ATP9A: variants seen among roughly 807,000 people sequenced by gnomAD.
The protein encoded by ATP9A is ATPase phospholipid transporting 9A, also known as probable phospholipid-transporting ATPase IIA.
In ATP9A, 52 loss-of-function variants were observed where a neutral mutation model predicts 144.1. The observed-to-expected ratio is 0.36, with a 90% CI of 0.29 to 0.45. The LOEUF (loss-of-function observed/expected upper bound fraction) is 0.45. Ranked by LOEUF, ATP9A falls within the 20% of genes least tolerant of loss-of-function variation. The pLI is 1.00. For missense variants in ATP9A, 947 were observed against 1,392.7 expected (o/e 0.68, Z 5.09); for synonymous variants, 582 against 557.4 (o/e 1.04, Z -0.62).
chr20:51,756,501 G>T (rs1354589312), intron 1 of ATP9A, among the ~76,000 whole-genome samples: 1 of 152,026 alleles, frequency 6.6e-6, no homozygotes, highest in Non-Finnish European at 1.5e-5. Flanking sequence ...ATGTTGGCCA[G>T]GCTGGTTTTG....
chr20:51,709,679 G>A (rs2426383), intron 4 of ATP9A, among the ~76,000 whole-genome samples: 97,836 of 151,994 alleles, frequency 0.64, 31,689 homozygotes, highest in Non-Finnish European at 0.68. Context: ...GTGAGTCCAG[G>A]TCCCACCACT....
chr20:51,664,643 C>T (rs1447979515), intron 13 of ATP9A, among the ~76,000 whole-genome samples: 1 of 152,030 alleles, frequency 6.6e-6, no homozygotes, highest in Non-Finnish European at 1.5e-5. Context: ...TAGCATTTCT[C>T]ACACAATTAG....
intron 4 of ATP9A, among the ~76,000 whole-genome samples, chr20:51,702,170 G>A (rs2077596067): frequency 6.6e-6 from 1 of 151,658 alleles, no homozygotes; most frequent in Non-Finnish European, 1.5e-5. Context: ...GTGGTGGCAG[G>A]CGCCTGTAAT....
chr20:51,711,103 A>C (rs1601119972), intron 4 of ATP9A, among the ~76,000 whole-genome samples: 1 of 152,152 alleles, frequency 6.6e-6, no homozygotes, highest in South Asian at 2.1e-4. Context: ...AGCCCAAGCC[A>C]CCTGCCTCTG....
Position 51,629,041 on chromosome 20 carries a change from A to G in ATP9A, c.1700T>C (p.Met567Thr). 2 of 1,614,078 alleles carry G rather than the reference A, an allele frequency of 1.2e-6. No individual in the cohort carries two copies. Among genetic ancestry groups the G allele is most frequent in the Non-Finnish European group, 8.5e-7 (1 of 1,179,930 alleles). ...AGCCATGACCACATCTGCTCCCTTC[A>G]TGTAAAACGTAATTTCTCCAGTTGA... is the stretch of plus-strand genomic sequence containing the variant. ...DESTGEITFY[M>T]KGADVVMAGI... The change falls in exon 16 of 28, where the codon ATG becomes ACG. Residue 567 changes from methionine (M) to threonine (T), a missense_variant. By Grantham distance (81) the Met-to-Thr change is moderately conservative. Coordinates refer to ENST00000338821, the MANE Select transcript of ATP9A (RefSeq NM_006045.3).
chr20:51,649,352 G>T (rs2426342), intron 14 of ATP9A, among the ~76,000 whole-genome samples: 113,837 of 152,080 alleles, frequency 0.75, 43,260 homozygotes, highest in Middle Eastern at 0.83. Context: ...GGTTTTAATC[G>T]TGCCAGCTAT....
intron 6 of ATP9A, 68 bp from the exon 7 acceptor site, chr20:51,694,170 G>T: frequency 7.8e-7 from 1 of 1,276,434 alleles, no homozygotes; most frequent in Non-Finnish European, 1.1e-6. Context: ...TCTGGGCAGC[G>T]TCTGCTCTGG....
intron 15 of ATP9A, among the ~76,000 whole-genome samples, chr20:51,638,879 C>A (rs2077306694): frequency 1.3e-5 from 2 of 151,988 alleles, no homozygotes; most frequent in African/African-American, 4.8e-5. Flanking sequence ...TTCAGACTGG[C>A]AAAATTTTTT....
rs888440693 is a variant in ATP9A at position 51,730,290 on chromosome 20, A to T, written c.69-312T>A. ...GAGACCATCCTGGCTGACATGGTGAAATCTCGTCTGTACTAAAAAATACAA... is the reference window on the plus strand; with the variant it reads ...GAGACCATCCTGGCTGACATGGTGATATCTCGTCTGTACTAAAAAATACAA... On this transcript the variant is annotated intron_variant, in intron 1 of 27. Transcript: ENST00000338821. Among the ~76,000 whole-genome samples, 8 of 152,198 alleles carry T rather than the reference A, an allele frequency of 5.3e-5. No individual in the cohort carries two copies. In the East Asian group the frequency reaches 1.6e-3, roughly 30 times the overall value.
intron 1 of ATP9A, among the ~76,000 whole-genome samples, chr20:51,733,740 C>T (rs1413149363): frequency 6.6e-6 from 1 of 151,256 alleles, no homozygotes; most frequent in Non-Finnish European, 1.5e-5. Flanking sequence ...GTGGTACAAT[C>T]ACAGCTCACT....
At chr20:51,718,219 C>T (rs1035533025) in intron 3 of ATP9A, among the ~76,000 whole-genome samples, 9 of 152,088 alleles carry the variant, frequency 5.9e-5, no homozygotes, top group African/African-American at 2.2e-4. Context: ...AAACATGCAT[C>T]TGCAGAATAT....
intron 9 of ATP9A, among the ~76,000 whole-genome samples, chr20:51,678,426 A>G (rs2077486380): frequency 6.6e-6 from 1 of 152,190 alleles, no homozygotes; most frequent in South Asian, 2.1e-4. Flanking sequence ...TCCTGGACAA[A>G]GAGCCCTAGG....
At chr20:51,711,344 A>G (rs2077637599) in intron 4 of ATP9A, among the ~76,000 whole-genome samples, 1 of 151,990 alleles carries the variant, frequency 6.6e-6, no homozygotes, top group South Asian at 2.1e-4. Context: ...CAAAACATAC[A>G]CCTTTGACAT....
intron 9 of ATP9A, among the ~76,000 whole-genome samples, chr20:51,686,109 C>T (rs565128577): frequency 6.6e-6 from 1 of 152,166 alleles, no homozygotes; most frequent in South Asian, 2.1e-4. Context: ...AGCAAACTAT[C>T]GCAAGGACGG....
chr20:51,752,702 G>C (rs1011372867), intron 1 of ATP9A, among the ~76,000 whole-genome samples: 2 of 152,162 alleles, frequency 1.3e-5, no homozygotes, highest in Admixed American at 6.6e-5. Context: ...TTGTTGGTCA[G>C]GCTTATCCGA....
chr20:51,670,427 C>G (rs2077451138), intron 12 of ATP9A, among the ~76,000 whole-genome samples: 2 of 152,222 alleles, frequency 1.3e-5, no homozygotes, highest in Non-Finnish European at 2.9e-5. Flanking sequence ...CTAGAGCAAT[C>G]AGATTCTATC....
intron 2 of ATP9A, among the ~76,000 whole-genome samples, chr20:51,728,987 T>C (rs915704466): frequency 6.6e-6 from 1 of 152,216 alleles, no homozygotes; most frequent in African/African-American, 2.4e-5. Flanking sequence ...GCTGAGTACA[T>C]GTCCACAGAT....
chr20:51,742,600 C>T (rs1468479893), intron 1 of ATP9A, among the ~76,000 whole-genome samples: 3 of 152,018 alleles, frequency 2.0e-5, no homozygotes, highest in East Asian at 1.9e-4. Context: ...CTGCAACCTC[C>T]GCCTCCTGGG....
chr20:51,676,232 A>G (rs1367437379), intron 9 of ATP9A, 24 bp from the exon 10 acceptor site: 17 of 1,564,462 alleles, frequency 1.1e-5, no homozygotes, highest in Non-Finnish European at 1.5e-5. Context: ...AAGAAAAAAA[A>G]AAAAAGAAAA....
Sources: gnomAD v4.1 joint callset for allele counts (sites outside exome capture counted in the v4.1 genomes callset) on GRCh38, gnomAD v4.1.1 for gene constraint, MANE v1.5 for transcripts, NCBI Gene and HGNC (gene_info 2026-07-23, HGNC 2026-07-21) for gene names.